The following PAN3 variants were observed in gnomAD, a reference collection of about 807,000 sequenced individuals.
The protein encoded by PAN3 is poly(A) specific ribonuclease subunit PAN3, also known as PAN2-PAN3 deadenylation complex subunit PAN3.
A neutral mutation model predicts 96.2 loss-of-function variants in PAN3; 19 were observed. That is an observed-to-expected ratio of 0.20 (90% CI 0.14 to 0.29). The LOEUF (loss-of-function observed/expected upper bound fraction) is 0.29. Ranked by LOEUF, PAN3 falls within the 10% of genes least tolerant of loss-of-function variation. The pLI is 1.00. For missense variants in PAN3, 882 were observed against 1,108.1 expected, an observed-to-expected ratio of 0.80 and a Z score of 2.90; for synonymous variants, 433 against 406.6, an observed-to-expected ratio of 1.06 and a Z score of -0.78.
chr13:28,293,423 G>T lies in PAN3; in HGVS notation c.*901G>T, dbSNP rs1276850782. The T allele has an allele frequency of 5.5e-5, 7 of 128,068 alleles. No homozygotes were observed. The highest frequency in any genetic ancestry group is 2.4e-4 in the South Asian group (1 of 4,192). 7.9% of individuals were successfully genotyped at this position (128,068 alleles called of 1,614,324 possible). ...TTTTTTTTTTTTTTTTTTTGGGCGG[G>T]GGGGAGGTTTATGAAGTTTTGCTCT... On this transcript the variant is annotated 3_prime_UTR_variant, in exon 19 of 19. Coordinates refer to ENST00000380958, the MANE Select transcript of PAN3 (RefSeq NM_175854.8).
intron 6 of PAN3, among the ~76,000 whole-genome samples, chr13:28,240,821 A>T (rs568382195): frequency 1.3e-5 from 2 of 152,284 alleles, no homozygotes; most frequent in East Asian, 3.9e-4. Context: ...TTTAGTGTCT[A>T]CTTTCTGATT....
chr13:28,235,300 CT>C (rs1882977169), intron 6 of PAN3, among the ~76,000 whole-genome samples: 1 of 152,190 alleles, frequency 6.6e-6, no homozygotes, highest in Non-Finnish European at 1.5e-5. Flanking sequence ...TCCTCTTCCC[CT>C]GTTTACTTCC....
chr13:28,252,602 T>C (rs576647201), intron 6 of PAN3, among the ~76,000 whole-genome samples: 1 of 152,298 alleles, frequency 6.6e-6, no homozygotes, highest in Admixed American at 6.5e-5. Context: ...TTCCTTACTT[T>C]TATTTGAATT....
chr13:28,253,712 C>A, intron 6 of PAN3, among the ~76,000 whole-genome samples: 1 of 142,840 alleles, frequency 7.0e-6, no homozygotes, highest in African/African-American at 2.9e-5. Context: ...TGGGCTCAAG[C>A]GATCCTCCTG....
intron 5 of PAN3, among the ~76,000 whole-genome samples, chr13:28,208,106 C>T (rs893048842): frequency 8.6e-5 from 13 of 151,832 alleles, no homozygotes; most frequent in Non-Finnish European, 1.9e-4. Context: ...AAAATATCAA[C>T]GTGGAAAATA....
intron 1 of PAN3, among the ~76,000 whole-genome samples, chr13:28,139,518 G>T (rs1255376368): frequency 7.2e-6 from 1 of 138,258 alleles, no homozygotes. Context: ...GTGTGTTTGT[G>T]TGTGTGTGTG....
chr13:28,215,894 A>G lies in PAN3; in HGVS notation c.853-4337A>G, dbSNP rs1880694950. The G allele has an allele frequency of 2.3e-6, 3 of 1,312,034 alleles. No individual in the cohort carries two copies. The South Asian group carries it at 3.5e-5, about 15-fold the overall frequency. The allele number at this position is 1,312,034 out of a possible 1,614,324, so 81.3% of individuals were successfully genotyped here. A position where few individuals can be genotyped will look rare whatever the true frequency, so the allele number is the denominator to read the frequency against. ...TTGCCCAGAAATCTCAGAAGGCTAAATGAATATTATCCCTAATACCTGCCA... is the reference window on the plus strand; with the variant it reads ...TTGCCCAGAAATCTCAGAAGGCTAAGTGAATATTATCCCTAATACCTGCCA... On this transcript the variant is annotated intron_variant, in intron 5 of 18. Coordinates refer to ENST00000380958, the MANE Select transcript of PAN3 (RefSeq NM_175854.8).
In PAN3 at chr13:28,148,373, C is replaced by T. The variant is rs192851955; in HGVS notation, c.430+9286C>T. Among the ~76,000 whole-genome samples the T allele has an allele frequency of 3.0e-3, 458 of 152,230 alleles. 3 individuals are homozygous for T. The highest frequency in any genetic ancestry group is 0.011 in the African/African-American group (442 of 41,532). On this transcript the variant is annotated intron_variant, in intron 1 of 18. Transcript: ENST00000380958. ...TCATAGCTCGCTGCAGCGTTGAACTCCTGGGCTCTAGCAAATCTCTCTCCT... is the reference window on the plus strand; with the variant it reads ...TCATAGCTCGCTGCAGCGTTGAACTTCTGGGCTCTAGCAAATCTCTCTCCT...
intron 9 of PAN3, among the ~76,000 whole-genome samples, chr13:28,264,272 C>G (rs1406974642): frequency 1.3e-5 from 2 of 152,226 alleles, no homozygotes; most frequent in African/African-American, 4.8e-5. Context: ...GGCGCAGTGG[C>G]TCACACCTGT....
At chr13:28,190,618 A>G (rs1207248611) in intron 4 of PAN3, among the ~76,000 whole-genome samples, 2 of 152,154 alleles carry the variant, frequency 1.3e-5, no homozygotes, top group Non-Finnish European at 2.9e-5. Context: ...ACACTGCTAT[A>G]AAGAAATACC....
intron 5 of PAN3, among the ~76,000 whole-genome samples, chr13:28,212,031 A>G (rs149145310): frequency 7.9e-5 from 12 of 152,328 alleles, no homozygotes; most frequent in Non-Finnish European, 1.3e-4. Flanking sequence ...ACATACAGAG[A>G]GAACTCTGGC....
At position 28,197,188 on chromosome 13, in the gene PAN3, A is replaced by G. The variant is rs1878153346; in HGVS notation, c.694A>G (p.Arg232Gly). The G allele has an allele frequency of 1.2e-6, 2 of 1,611,818 alleles. No homozygotes were observed. The highest frequency in any genetic ancestry group is 1.7e-6 in the Non-Finnish European group (2 of 1,179,054). The change falls in exon 5 of 19, where the codon AGG (arginine) becomes GGG (glycine). Residue 232 changes from arginine (R) to glycine (G), a missense_variant. This residue lies in a region of PAN3 where 442 missense variants were observed against 422.8 expected (regional missense o/e 1.05). Coordinates refer to ENST00000380958, the MANE Select transcript of PAN3 (RefSeq NM_175854.8). ...ALNISQRRKP[R>G]KYRLGMLEER... ...TTTCTTTCCTTCTTTTTCCTAGCCAAGGAAGTATCGCCTGGGGATGCTGGA... is the reference window on the plus strand; with the variant it reads ...TTTCTTTCCTTCTTTTTCCTAGCCAGGGAAGTATCGCCTGGGGATGCTGGA...
intron 1 of PAN3, among the ~76,000 whole-genome samples, chr13:28,140,629 G>A (rs957624451): frequency 6.6e-6 from 1 of 152,130 alleles, no homozygotes; most frequent in African/African-American, 2.4e-5. Context: ...CGATCTTCCT[G>A]CCTGGGCCTC....
chr13:28,170,065 T>C (rs1874107276), intron 1 of PAN3, among the ~76,000 whole-genome samples: 1 of 150,752 alleles, frequency 6.6e-6, no homozygotes, highest in African/African-American at 2.5e-5. Flanking sequence ...AATAATACAA[T>C]AATAATAATA....
chr13:28,183,688 G>A (rs1417998178), intron 4 of PAN3, among the ~76,000 whole-genome samples: 1 of 152,206 alleles, frequency 6.6e-6, no homozygotes, highest in African/African-American at 2.4e-5. Flanking sequence ...TTGGATAGTG[G>A]TTAAGGCTTT....
chr13:28,216,337 G>T (rs1482838139), intron 5 of PAN3, among the ~76,000 whole-genome samples: 1 of 152,074 alleles, frequency 6.6e-6, no homozygotes, highest in Non-Finnish European at 1.5e-5. Context: ...AGCAGAGAGG[G>T]GTGGAAAGGA....
chr13:28,148,722 C>A (rs1239818126), intron 1 of PAN3, among the ~76,000 whole-genome samples: 2 of 152,054 alleles, frequency 1.3e-5, no homozygotes, highest in Non-Finnish European at 2.9e-5. Flanking sequence ...CATTAACACA[C>A]ATATATACAC....
intron 17 of PAN3, among the ~76,000 whole-genome samples, chr13:28,284,291 A>G (rs1458109992): frequency 6.6e-6 from 1 of 151,812 alleles, no homozygotes; most frequent in East Asian, 1.9e-4. Flanking sequence ...GTCCTGTTCA[A>G]TTCATATCCT....
In PAN3 at chr13:28,176,484, G is replaced by T. The variant is rs1566160357; in HGVS notation, c.553-9G>T. ...CAGTGATGTTATAAATAAATATTTT[G>T]TTTTTCAGAGAATGACTAATAGTAG... On this transcript the variant is annotated splice_polypyrimidine_tract_variant and intron_variant, in intron 2 of 18. Transcript: ENST00000380958. The T allele has an allele frequency of 6.2e-7, 1 of 1,610,478 alleles. No homozygotes were observed. Among genetic ancestry groups the T allele is most frequent in the Admixed American group, 1.7e-5 (1 of 59,944 alleles).
Sources: allele counts gnomAD v4.1 joint callset (sites outside exome capture counted in the v4.1 genomes callset), GRCh38; gene constraint gnomAD v4.1.1; regional missense constraint gnomAD v4.1.1; transcripts MANE v1.5; gene names NCBI Gene and HGNC (gene_info 2026-07-23, HGNC 2026-07-21).